The following CCDC40 variants were observed in gnomAD, a reference collection of about 807,000 sequenced individuals.
The protein encoded by CCDC40 is coiled-coil domain 40 molecular ruler complex subunit.
A neutral mutation model predicts 124.5 loss-of-function variants in CCDC40; 104 were observed. The observed-to-expected ratio is 0.84, with a 90% CI of 0.71 to 0.98. The LOEUF (loss-of-function observed/expected upper bound fraction) is 0.98, where lower values mean the gene tolerates loss of function less well. CCDC40 is among the 50% of genes least tolerant of loss of function. The pLI is 0.00. For synonymous variants in CCDC40, 580 were observed against 602.9 expected, an observed-to-expected ratio of 0.96 and a Z score of 0.56; for missense variants, 1,463 against 1,503.9, an observed-to-expected ratio of 0.97 and a Z score of 0.45.
At chr17:80,050,857 G>A (rs1312718545) in intron 7 of CCDC40, among the ~76,000 whole-genome samples, 1 of 152,228 alleles carries the variant, frequency 6.6e-6, no homozygotes, top group African/African-American at 2.4e-5. Flanking sequence ...GAGGTCCCAG[G>A]ATAGATGAGA....
At position 80,056,010 on chromosome 17, in the gene CCDC40, A is replaced by AT. The variant is rs1326886577; in HGVS notation, c.1160-2483dup. Among the ~76,000 whole-genome samples, 40 of 13,780 alleles carry AT rather than the reference A, an allele frequency of 2.9e-3. 2 individuals are homozygous for AT. Among genetic ancestry groups the AT allele is most frequent in the African/African-American group, 9.7e-3 (34 of 3,504 alleles). The allele number at this position is 13,780 out of a possible 152,430, so 9.0% of individuals were successfully genotyped here. ...TATATATATATATATATATATATAT[A>AT]TATATATTTTTTTTTTTTTTTGGTA... On this transcript the variant is annotated intron_variant, in intron 7 of 19. Coordinates refer to ENST00000397545, the MANE Select transcript of CCDC40 (RefSeq NM_017950.4).
At position 80,086,500 on chromosome 17, in the gene CCDC40, T is replaced by C. The variant is rs1034256572; in HGVS notation, c.2449+284T>C. 4 of 405,984 alleles carry C rather than the reference T, an allele frequency of 9.9e-6. No individual in the cohort carries two copies. The highest frequency in any genetic ancestry group is 1.9e-5 in the Non-Finnish European group (4 of 215,336). 25.1% of individuals were successfully genotyped at this position (405,984 alleles called of 1,614,324 possible). ...GAGAGAGGAGCATGGAAGGTTATCA[T>C]CCCCGCCAAGCCAGGGCACTCAGGT... On this transcript the variant is annotated intron_variant, in intron 14 of 19. Coordinates refer to ENST00000397545, the MANE Select transcript of CCDC40 (RefSeq NM_017950.4). This position sits in a 1 kb window ranked among gnomAD's most constrained non-coding sequence, Gnocchi z 5.5.
chr17:80,047,997 G>T (rs183283553), intron 4 of CCDC40, among the ~76,000 whole-genome samples: 1 of 152,308 alleles, frequency 6.6e-6, no homozygotes, highest in Non-Finnish European at 1.5e-5. Context: ...CAAGCCGGGC[G>T]CGGTGGCTCA....
chr17:80,076,522 A>C (rs2038313998), intron 10 of CCDC40, among the ~76,000 whole-genome samples: 1 of 151,472 alleles, frequency 6.6e-6, no homozygotes, highest in African/African-American at 2.4e-5. Flanking sequence ...GCAATAAGCC[A>C]AGATCACACC....
At chr17:80,069,984 G>A (rs765743952) in intron 10 of CCDC40, among the ~76,000 whole-genome samples, 2 of 152,178 alleles carry the variant, frequency 1.3e-5, no homozygotes, top group South Asian at 2.1e-4. Flanking sequence ...GACACTGAAC[G>A]CAGAATTAGA....
chr17:80,078,125 A>G lies in CCDC40; in HGVS notation c.1563-3421A>G, dbSNP rs181271976. The stretch of plus-strand genomic sequence containing the variant: ...GGTGGGCGGATCACGAGGTCAGGAG[A>G]TTGAGACCATCCTGGCTAACACGGT... On this transcript the variant is annotated intron_variant, in intron 10 of 19. Transcript: ENST00000397545. Among the ~76,000 whole-genome samples, 552 of 152,088 alleles carry G rather than the reference A, an allele frequency of 3.6e-3. 5 individuals carry two copies. The highest frequency in any genetic ancestry group is 0.014 in the Middle Eastern group (4 of 294).
At chr17:80,067,335 C>G in intron 10 of CCDC40, 1 of 589,178 alleles carries the variant, frequency 1.7e-6, no homozygotes, top group Non-Finnish European at 3.0e-6. Context: ...GTCACTAGAA[C>G]CCCCTCCCAA....
At chr17:80,097,476 C>A in intron 19 of CCDC40, 73 bp downstream of exon 19, 1 of 1,545,294 alleles carries the variant, frequency 6.5e-7, no homozygotes, top group East Asian at 2.3e-5. Context: ...TCCTGCGTCC[C>A]CTCTGTGCGA....
intron 17 of CCDC40, 24 bp downstream of exon 17, chr17:80,089,908 C>T: frequency 1.9e-6 from 3 of 1,613,176 alleles, no homozygotes; most frequent in Non-Finnish European, 2.5e-6. Context: ...AGCGGCGTGG[C>T]AGGGCCTGCT....
In CCDC40 at chr17:80,047,348, C is replaced by T; in HGVS notation, c.622C>T (p.His208Tyr). The change falls in exon 4 of 20, where the codon CAC becomes TAC. Residue 208 changes from histidine to tyrosine, a missense_variant. Transcript: ENST00000397545. ...MGVQHRFRLS[H>Y]GSDIESSDLE... ...CGTCCAGCACCGCTTCCGGCTGAGC[C>T]ACGGGAGCGACATCGAGTCCTCAGA... 1 of 1,613,826 alleles carries T rather than the reference C, an allele frequency of 6.2e-7. No individual in the cohort carries two copies. Among genetic ancestry groups the T allele is most frequent in the Non-Finnish European group, 8.5e-7 (1 of 1,179,876 alleles).
chr17:80,090,324 C>G, intron 17 of CCDC40: 1 of 652,496 alleles, frequency 1.5e-6, no homozygotes, highest in East Asian at 3.5e-5. Flanking sequence ...ACACGGGACG[C>G]GCGCAGGCAC....
Position 80,067,555 on chromosome 17 carries a change from G to A in CCDC40, c.1562+1949G>A, listed in dbSNP as rs755286508. 19 of 1,530,700 alleles carry A rather than the reference G, an allele frequency of 1.2e-5. No individual in the cohort carries two copies. In the Admixed American group the frequency reaches 2.4e-4, roughly 19 times the overall value. 94.8% of individuals were successfully genotyped at this position (1,530,700 alleles called of 1,614,324 possible). ...CAAAATATAAACACCGCTCGTTCCC[G>A]CCTTTCTACCACATGGCATTCCGCT... On this transcript the variant is annotated intron_variant, in intron 10 of 19. Coordinates refer to ENST00000397545, the MANE Select transcript of CCDC40 (RefSeq NM_017950.4).
intron 7 of CCDC40, among the ~76,000 whole-genome samples, chr17:80,057,756 G>A (rs1020495205): frequency 2.6e-5 from 4 of 151,926 alleles, no homozygotes; most frequent in African/African-American, 9.7e-5. Context: ...GGCGCCTGTA[G>A]TCCCAGCTAC....
chr17:80,089,542 C>A, intron 16 of CCDC40: 3 of 424,056 alleles, frequency 7.1e-6, no homozygotes, highest in South Asian at 2.1e-5. Context: ...TTCTTCCCCA[C>A]CCCCATCTCC....
chr17:80,062,451 C>T (rs1006714759), intron 9 of CCDC40, among the ~76,000 whole-genome samples: 1 of 137,524 alleles, frequency 7.3e-6, no homozygotes, highest in Non-Finnish European at 1.5e-5. Flanking sequence ...CTATCTCTCC[C>T]CCCTCCCCCC....
At chr17:80,039,409 A>C (rs2037214078) in intron 2 of CCDC40, among the ~76,000 whole-genome samples, 2 of 144,234 alleles carry the variant, frequency 1.4e-5, no homozygotes, top group South Asian at 4.3e-4. Context: ...CTGAAGCATG[A>C]AACATGATTT....
In CCDC40 at chr17:80,068,005, G is replaced by A. The variant is rs1293227759; in HGVS notation, c.1562+2399G>A. 6 of 1,053,854 alleles carry A rather than the reference G, an allele frequency of 5.7e-6. No individual in the cohort carries two copies. The East Asian group carries it at 3.1e-4, about 54-fold the overall frequency. The allele number at this position is 1,053,854 out of a possible 1,614,324, so 65.3% of individuals were successfully genotyped here. On this transcript the variant is annotated intron_variant, in intron 10 of 19. Coordinates refer to ENST00000397545, the MANE Select transcript of CCDC40 (RefSeq NM_017950.4). ...TGCAGCTTGCCACACCAAGGCCCCG[G>A]GGAGGAGTGAGGCCCAACTTTTATT... is the stretch of plus-strand genomic sequence containing the variant.
At chr17:80,097,105 C>A in intron 18 of CCDC40, 140 bp from the exon 19 acceptor site, 1 of 933,208 alleles carries the variant, frequency 1.1e-6, no homozygotes, top group Non-Finnish European at 1.7e-6. Flanking sequence ...CCTCGCCTCT[C>A]CAGCCCTCCC....
In CCDC40 at chr17:80,086,260, C is replaced by T; in HGVS notation, c.2449+44C>T. 3 of 1,517,266 alleles carry T rather than the reference C, an allele frequency of 2.0e-6. No homozygotes were observed. Among genetic ancestry groups the T allele is most frequent in the Non-Finnish European group, 1.8e-6 (2 of 1,115,636 alleles). The allele number at this position is 1,517,266 out of a possible 1,614,324, so 94.0% of individuals were successfully genotyped here. A position where few individuals can be genotyped will look rare whatever the true frequency, so the allele number is the denominator to read the frequency against. On this transcript the variant is annotated intron_variant, in intron 14 of 19. Coordinates refer to ENST00000397545, the MANE Select transcript of CCDC40 (RefSeq NM_017950.4). This position sits in a 1 kb window ranked among gnomAD's most constrained non-coding sequence, Gnocchi z 5.5. ...GGCCCTGCAGTGATGCTGAGACGAG[C>T]TCTGGGACGTGGGCACCTCCCAGGG...
Sources: allele counts gnomAD v4.1 joint callset (sites outside exome capture counted in the v4.1 genomes callset), GRCh38; gene constraint gnomAD v4.1.1; non-coding constraint Gnocchi (gnomAD v3.1); transcripts MANE v1.5; gene names NCBI Gene and HGNC (gene_info 2026-07-23, HGNC 2026-07-21).